Variants in ANKRD6 observed in about 807,000 individuals in gnomAD.
ANKRD6 encodes the protein ankyrin repeat domain-containing protein 6.
Under a neutral mutation model 82.3 loss-of-function variants are expected in ANKRD6, and 56 were observed. The ratio of observed to expected loss-of-function variants is 0.68; its 90% CI spans 0.55 to 0.85. The LOEUF (loss-of-function observed/expected upper bound fraction) is 0.85, where lower values mean the gene tolerates loss of function less well. Among genes scored for constraint, ANKRD6 ranks in the 40% least tolerant of loss-of-function variants. The pLI is 0.00. For missense variants in ANKRD6, 852 were observed against 907.6 expected (o/e 0.94, Z 0.79); for synonymous variants, 347 against 352.1 (o/e 0.99, Z 0.16).
At chr6:89,512,126 C>T (rs1303851562) in intron 1 of ANKRD6, among the ~76,000 whole-genome samples, 1 of 151,934 alleles carries the variant, frequency 6.6e-6, no homozygotes, top group East Asian at 1.9e-4. Flanking sequence ...TCTTTGAGTC[C>T]TGGAGAAGTC....
At chr6:89,490,755 G>A (rs1031063978) in intron 1 of ANKRD6, among the ~76,000 whole-genome samples, 11 of 152,166 alleles carry the variant, frequency 7.2e-5, no homozygotes, top group East Asian at 1.9e-4. Flanking sequence ...TCACCTCTGC[G>A]GTTTAGAAAA....
chr6:89,518,848 A>G (rs1781549038), intron 1 of ANKRD6, among the ~76,000 whole-genome samples: 1 of 152,348 alleles, frequency 6.6e-6, no homozygotes, highest in East Asian at 1.9e-4. Flanking sequence ...GATGGCTTAA[A>G]TGACAAACAG....
chr6:89,479,028 G>C (rs915896842), intron 1 of ANKRD6, among the ~76,000 whole-genome samples: 1 of 152,064 alleles, frequency 6.6e-6, no homozygotes, highest in Non-Finnish European at 1.5e-5. Flanking sequence ...CAGACATTTG[G>C]ATGAATATTT....
At chr6:89,533,766 GTGAA>G (rs1425875643) in intron 1 of ANKRD6, among the ~76,000 whole-genome samples, 20 of 147,004 alleles carry the variant, frequency 1.4e-4, no homozygotes, top group African/African-American at 2.7e-4. Flanking sequence ...GTGTGTGTGT[GTGAA>G]TGAATGCTTC....
chr6:89,547,694 A>G (rs912763729), intron 1 of ANKRD6, among the ~76,000 whole-genome samples: 3 of 152,282 alleles, frequency 2.0e-5, no homozygotes, highest in African/African-American at 4.8e-5. Context: ...AACTCCTTAC[A>G]TAATATTTTA....
At position 89,606,045 on chromosome 6, in the gene ANKRD6, TTTCA is replaced by T. The variant is rs779572350; in HGVS notation, c.358_361del (p.Phe120AlafsTer97). ...CCTTGCATGAAGCATCCTGGCATGG[TTTCA>T]GCCAGTCAGCCAAGCTGCTCATTAA... On this transcript the variant is annotated frameshift_variant, in exon 5 of 16. Coordinates refer to ENST00000339746, the MANE Select transcript of ANKRD6 (RefSeq NM_001242809.2). LOFTEE classifies it high-confidence loss of function. The T allele has an allele frequency of 8.8e-6, 14 of 1,597,416 alleles. No homozygotes were observed. Among genetic ancestry groups the T allele is most frequent in the Admixed American group, 6.9e-5 (4 of 58,100 alleles).
intron 6 of ANKRD6, among the ~76,000 whole-genome samples, chr6:89,612,948 G>A (rs771655751): frequency 6.6e-6 from 1 of 152,218 alleles, no homozygotes; most frequent in South Asian, 2.1e-4. Flanking sequence ...TCTTTCTAAA[G>A]TGTCCTCAGG....
intron 1 of ANKRD6, among the ~76,000 whole-genome samples, chr6:89,442,384 G>A (rs549545412): frequency 2.6e-4 from 39 of 152,016 alleles, no homozygotes; most frequent in Non-Finnish European, 4.7e-4. Flanking sequence ...AGCACTTTGG[G>A]AGGCTAAGGT....
intron 1 of ANKRD6, among the ~76,000 whole-genome samples, chr6:89,459,501 T>C (rs910430846): frequency 2.0e-5 from 3 of 152,186 alleles, no homozygotes; most frequent in Admixed American, 2.0e-4. Context: ...CTTGGTTCAG[T>C]CCTCTAGCCT....
rs1804951086 is a variant in ANKRD6, at chr6:89,624,596, G to C, written c.1276G>C (p.Glu426Gln). 1 of 1,562,994 alleles carries C rather than the reference G, an allele frequency of 6.4e-7. No individual in the cohort carries two copies. Among genetic ancestry groups the C allele is most frequent in the Admixed American group, 1.9e-5 (1 of 52,214 alleles). Residue 426 changes from glutamate to glutamine, a missense_variant, in exon 13 of 16, where the codon GAG (glutamate) becomes CAG (glutamine). Coordinates refer to ENST00000339746, the MANE Select transcript of ANKRD6 (RefSeq NM_001242809.2). ...PLINKLENQL[E>Q]ATVEEIKAEL... is the part of the protein sequence containing the mutation. ...AATCAACAAGCTGGAGAATCAGTTG[G>C]AGGCTACTGTGGAGGAGATAAAAGC...
chr6:89,583,042 C>CTGA (rs1792924654), intron 2 of ANKRD6, among the ~76,000 whole-genome samples: 1 of 152,184 alleles, frequency 6.6e-6, no homozygotes, highest in Non-Finnish European at 1.5e-5. Context: ...GCCTTAAATA[C>CTGA]TGATGCCCAG....
At chr6:89,489,790 C>T (rs1777808996) in intron 1 of ANKRD6, among the ~76,000 whole-genome samples, 1 of 152,178 alleles carries the variant, frequency 6.6e-6, no homozygotes, top group African/African-American at 2.4e-5. Context: ...CTGGTGAAGC[C>T]TGTGTCTAAC....
At chr6:89,598,524 G>T (rs1019854408) in intron 3 of ANKRD6, 6 of 521,296 alleles carry the variant, frequency 1.2e-5, no homozygotes, top group Non-Finnish European at 1.5e-5. Context: ...TTGAAGAGGC[G>T]CACACTGCAC....
At chr6:89,471,359 C>CAAAAAAAAAAAAAAAAA (rs568718441) in intron 1 of ANKRD6, among the ~76,000 whole-genome samples, 9 of 56,996 alleles carry the variant, frequency 1.6e-4, no homozygotes, top group East Asian at 5.5e-4. Flanking sequence ...ACAACAACAA[C>CAAAAAAAAAAAAAAAAA]AAAAAAAAAA....
chr6:89,563,479 T>G (rs193238885), intron 1 of ANKRD6, among the ~76,000 whole-genome samples: 155 of 152,332 alleles, frequency 1.0e-3, no homozygotes, highest in African/African-American at 3.7e-3. Context: ...AGGGGTGTAA[T>G]TGATAGGCTT....
intron 1 of ANKRD6, among the ~76,000 whole-genome samples, chr6:89,520,884 A>G (rs142672323): frequency 1.2e-4 from 19 of 152,256 alleles, no homozygotes; most frequent in Middle Eastern, 6.8e-3. Context: ...GCTATCTGGG[A>G]GGCTGAGGTG....
intron 1 of ANKRD6, among the ~76,000 whole-genome samples, chr6:89,470,100 T>A (rs78300395): frequency 0.056 from 8,567 of 152,248 alleles, 266 homozygotes; most frequent in South Asian, 0.13. Flanking sequence ...AGAGATAAAT[T>A]ACTTTTCACT....
chr6:89,596,114 G>A (rs1337897388), intron 3 of ANKRD6, 100 bp downstream of exon 3: 2 of 998,542 alleles, frequency 2.0e-6, no homozygotes, highest in East Asian at 5.3e-5. Flanking sequence ...GGTAGTAGAT[G>A]CTCTCGCAGC....
intron 1 of ANKRD6, among the ~76,000 whole-genome samples, chr6:89,557,989 A>T (rs1429953667): frequency 6.6e-6 from 1 of 152,064 alleles, no homozygotes; most frequent in African/African-American, 2.4e-5. Context: ...TAATTATTTC[A>T]TCATATATTA....
Sources: allele counts gnomAD v4.1 joint callset (sites outside exome capture counted in the v4.1 genomes callset), GRCh38; gene constraint gnomAD v4.1.1; transcripts MANE v1.5; gene names NCBI Gene and HGNC (gene_info 2026-07-23, HGNC 2026-07-21).